NCOA1: variants seen among roughly 807,000 people sequenced by gnomAD.
NCOA1 encodes nuclear receptor coactivator 1.
In NCOA1, 35 loss-of-function variants were observed where a neutral mutation model predicts 150.9. The observed-to-expected ratio is 0.23, with a 90% CI of 0.18 to 0.31. The LOEUF (loss-of-function observed/expected upper bound fraction) is 0.31, where lower values mean the gene tolerates loss of function less well. Among genes scored for constraint, NCOA1 ranks in the 10% least tolerant of loss-of-function variants. The pLI is 1.00. For missense variants in NCOA1, 1,491 were observed against 1,749.3 expected (o/e 0.85, Z 2.63); for synonymous variants, 590 against 630.0 (o/e 0.94, Z 0.95).
chr2:24,603,059 A>T (rs1668200262), intron 3 of NCOA1, among the ~76,000 whole-genome samples: 1 of 152,236 alleles, frequency 6.6e-6, no homozygotes, highest in African/African-American at 2.4e-5. Context: ...GTTCCAGACT[A>T]CCACAATAAA....
intron 1 of NCOA1, among the ~76,000 whole-genome samples, chr2:24,513,008 C>T (rs960162550): frequency 3.9e-5 from 6 of 152,092 alleles, no homozygotes; most frequent in East Asian, 3.9e-4. Flanking sequence ...GTAAGGCTTG[C>T]GAAAACAGCC....
intron 1 of NCOA1, among the ~76,000 whole-genome samples, chr2:24,555,663 G>C (rs1195129449): frequency 1.3e-5 from 2 of 152,116 alleles, no homozygotes; most frequent in Non-Finnish European, 2.9e-5. Flanking sequence ...ATTTAGGATT[G>C]CTATGTCTTC....
chr2:24,597,670 C>T (rs1055361118), intron 3 of NCOA1, among the ~76,000 whole-genome samples: 5 of 152,124 alleles, frequency 3.3e-5, no homozygotes, highest in African/African-American at 4.8e-5. Flanking sequence ...TTTCCTTGGG[C>T]AACCTCAGTC....
intron 1 of NCOA1, among the ~76,000 whole-genome samples, chr2:24,520,395 A>C (rs1664370366): frequency 6.6e-6 from 1 of 152,262 alleles, no homozygotes; most frequent in Non-Finnish European, 1.5e-5. Flanking sequence ...ATATCCATTA[A>C]ATGGAATAGT....
chr2:24,686,606 C>G (rs1301335459), intron 8 of NCOA1, among the ~76,000 whole-genome samples: 1 of 152,140 alleles, frequency 6.6e-6, no homozygotes, highest in Admixed American at 6.5e-5. Context: ...ACAGAGTATT[C>G]AGGACCTTAT....
intron 3 of NCOA1, among the ~76,000 whole-genome samples, chr2:24,641,855 G>A (rs1670231199): frequency 6.6e-6 from 1 of 151,978 alleles, no homozygotes; most frequent in African/African-American, 2.4e-5. Context: ...TTTATTCTGA[G>A]TGGGATTTAT....
In NCOA1 at chr2:24,683,143, G is replaced by GT; in HGVS notation, c.532+20dup. On this transcript the variant is annotated intron_variant, in intron 8 of 22. Coordinates refer to ENST00000348332, the MANE Select transcript of NCOA1 (RefSeq NM_003743.5). ...AAAATCACTAGGTAAACAGAAATGTGTTTTTAAAAAGAATACTAGCTCTCT... is the reference window on the plus strand; with the variant it reads ...AAAATCACTAGGTAAACAGAAATGTGTTTTTTAAAAAGAATACTAGCTCTCT... 1 of 1,527,558 alleles carries GT rather than the reference G, an allele frequency of 6.5e-7. No homozygotes were observed. Among genetic ancestry groups the GT allele is most frequent in the Non-Finnish European group, 8.7e-7 (1 of 1,143,816 alleles). 94.6% of individuals were successfully genotyped at this position (1,527,558 alleles called of 1,614,324 possible).
At chr2:24,502,488 G>T (rs577902947) in intron 1 of NCOA1, among the ~76,000 whole-genome samples, 1 of 152,006 alleles carries the variant, frequency 6.6e-6, no homozygotes, top group Non-Finnish European at 1.5e-5. Context: ...ATTTTGATTC[G>T]GAATGATTAT....
At chr2:24,584,722 T>C (rs1667328760) in intron 3 of NCOA1, among the ~76,000 whole-genome samples, 162 bp downstream of exon 3, 1 of 152,174 alleles carries the variant, frequency 6.6e-6, no homozygotes, top group Admixed American at 6.5e-5. Context: ...CAGGGCCCCT[T>C]TGAGAGTCTG....
chr2:24,504,693 T>G (rs1398962622), intron 1 of NCOA1, among the ~76,000 whole-genome samples: 1 of 152,222 alleles, frequency 6.6e-6, no homozygotes, highest in Admixed American at 6.5e-5. Flanking sequence ...GTAAGTATTA[T>G]GAATTGTTTT....
chr2:24,748,699 CT>C (rs1664067736), intron 19 of NCOA1, among the ~76,000 whole-genome samples: 1 of 151,054 alleles, frequency 6.6e-6, no homozygotes, highest in African/African-American at 2.4e-5. Flanking sequence ...ATGATTTTCT[CT>C]TTTTATTTAA....
intron 8 of NCOA1, among the ~76,000 whole-genome samples, chr2:24,686,434 T>G (rs906120402): frequency 6.6e-6 from 1 of 152,182 alleles, no homozygotes; most frequent in Admixed American, 6.6e-5. Flanking sequence ...TTTATCCTTT[T>G]AAAGAGGAAT....
At chr2:24,767,468 G>A (rs1034146349) in intron 22 of NCOA1, among the ~76,000 whole-genome samples, 1 of 152,200 alleles carries the variant, frequency 6.6e-6, no homozygotes, top group African/African-American at 2.4e-5. Flanking sequence ...AATAGAATAT[G>A]CTAGAACTGT....
chr2:24,634,708 A>ACCCCCCCCCCCCCCC (rs530645429), intron 3 of NCOA1, among the ~76,000 whole-genome samples: 2 of 39,716 alleles, frequency 5.0e-5, no homozygotes, highest in African/African-American at 2.3e-4. Flanking sequence ...TAGGGGAGGA[A>ACCCCCCCCCCCCCCC]CCCCCCCCCC....
At chr2:24,690,600 C>T (rs996840176) in intron 8 of NCOA1, among the ~76,000 whole-genome samples, 4 of 122,196 alleles carry the variant, frequency 3.3e-5, no homozygotes, top group African/African-American at 1.2e-4. Flanking sequence ...TGTGGTGAGC[C>T]GAGATCACAC....
chr2:24,739,560 A>T (rs1663501867), intron 18 of NCOA1, 27 bp downstream of exon 18: 1 of 1,528,624 alleles, frequency 6.5e-7, no homozygotes, highest in Admixed American at 1.7e-5. Flanking sequence ...AGACGTCATT[A>T]GTACTTCTTT....
At chr2:24,716,290 C>T (rs1246748743) in intron 14 of NCOA1, among the ~76,000 whole-genome samples, 3 of 149,312 alleles carry the variant, frequency 2.0e-5, no homozygotes, top group African/African-American at 7.4e-5. Context: ...ATTTATACTG[C>T]TTGATTTTAA....
At chr2:24,694,000 A>G in intron 10 of NCOA1, among the ~76,000 whole-genome samples, 1 of 152,184 alleles carries the variant, frequency 6.6e-6, no homozygotes, top group East Asian at 1.9e-4. Flanking sequence ...GGGTCTTGGA[A>G]GGGGGGCAGC....
chr2:24,651,570 A>G (rs1670713552), intron 4 of NCOA1, among the ~76,000 whole-genome samples: 1 of 152,104 alleles, frequency 6.6e-6, no homozygotes, highest in African/African-American at 2.4e-5. Context: ...ACTATGGGAG[A>G]TGATGGATAT....
Sources: allele counts gnomAD v4.1 joint callset (sites outside exome capture counted in the v4.1 genomes callset), GRCh38; gene constraint gnomAD v4.1.1; transcripts MANE v1.5; gene names NCBI Gene and HGNC (gene_info 2026-07-23, HGNC 2026-07-21).